The following AFDN variants were observed in gnomAD, a reference collection of about 807,000 sequenced individuals.
AFDN encodes afadin.
Under a neutral mutation model 216.6 loss-of-function variants are expected in AFDN, and 68 were observed. The observed-to-expected ratio is 0.31, with a 90% CI of 0.26 to 0.38. AFDN has a LOEUF of 0.38. Ranked by LOEUF, AFDN falls within the 10% of genes least tolerant of loss-of-function variation. The pLI, the probability that AFDN is intolerant of heterozygous loss-of-function variation, is 1.00. For synonymous variants in AFDN, 868 were observed against 853.7 expected, an observed-to-expected ratio of 1.02 and a Z score of -0.29; for missense variants, 2,136 against 2,342.0, an observed-to-expected ratio of 0.91 and a Z score of 1.82.
At chr6:167,891,602 A>G (rs981568363) in intron 8 of AFDN, among the ~76,000 whole-genome samples, 3 of 152,078 alleles carry the variant, frequency 2.0e-5, no homozygotes, top group African/African-American at 7.2e-5. Flanking sequence ...TTTTTTTTGT[A>G]GAACTCTTAA....
rs148872023 is a variant in AFDN at position 167,947,289 on chromosome 6, C to T, written c.3553+388C>T. On this transcript the variant is annotated intron_variant, in intron 27 of 33. Coordinates refer to ENST00000683244, the MANE Select transcript of AFDN (RefSeq NM_001386888.1). ...CCACCTCCTGGGTTCATGCCATTCT[C>T]CTGCCTTAGCTTCCCGAGTGGCTGG... Among the ~76,000 whole-genome samples the T allele has an allele frequency of 5.6e-3, 858 of 152,092 alleles. 16 individuals are homozygous for T. The highest frequency in any genetic ancestry group is 0.02 in the African/African-American group (827 of 41,460).
At chr6:167,913,123 ATG>A (rs1207263382) in intron 15 of AFDN, among the ~76,000 whole-genome samples, 1 of 152,188 alleles carries the variant, frequency 6.6e-6, no homozygotes, top group Non-Finnish European at 1.5e-5. Flanking sequence ...CAGTGTGTTC[ATG>A]TGTGTTTATG....
intron 31 of AFDN, 44 bp from the exon 32 acceptor site, chr6:167,965,713 T>G (rs759473271): frequency 1.4e-6 from 2 of 1,479,688 alleles, no homozygotes; most frequent in Admixed American, 2.5e-5. Context: ...GGCTGTTCCC[T>G]TCTCACCTCT....
chr6:167,891,331 G>T (rs1415218917), intron 8 of AFDN, among the ~76,000 whole-genome samples: 1 of 150,376 alleles, frequency 6.6e-6, no homozygotes, highest in Non-Finnish European at 1.5e-5. Flanking sequence ...TTTTTTCCAA[G>T]ATAACTTTAG....
intron 13 of AFDN, among the ~76,000 whole-genome samples, chr6:167,910,202 T>C (rs1790212819): frequency 6.6e-6 from 1 of 152,254 alleles, no homozygotes; most frequent in Non-Finnish European, 1.5e-5. Context: ...GAACTGTGGT[T>C]ATAACACAAG....
chr6:167,957,792 T>C (rs1796670777), intron 30 of AFDN, among the ~76,000 whole-genome samples: 1 of 151,996 alleles, frequency 6.6e-6, no homozygotes, highest in South Asian at 2.1e-4. Context: ...CCTCGAGAAG[T>C]AGCTAGTCCT....
intron 23 of AFDN, among the ~76,000 whole-genome samples, chr6:167,935,991 A>G (rs1385477921): frequency 6.6e-6 from 1 of 152,194 alleles, no homozygotes; most frequent in Non-Finnish European, 1.5e-5. Flanking sequence ...GGGAATTTTC[A>G]GTTTTCTGCT....
chr6:167,893,990 T>G, intron 9 of AFDN, 84 bp downstream of exon 9: 1 of 1,026,332 alleles, frequency 9.7e-7, no homozygotes, highest in East Asian at 2.6e-5. Context: ...ACCAAATATC[T>G]TATGTATCAG....
chr6:167,836,611 T>G (rs1313588019), intron 1 of AFDN, among the ~76,000 whole-genome samples: 1 of 152,230 alleles, frequency 6.6e-6, no homozygotes, highest in Non-Finnish European at 1.5e-5. Context: ...TAAGATTAGT[T>G]TTATTTCTAC....
chr6:167,929,824 G>T (rs887409542), intron 23 of AFDN, among the ~76,000 whole-genome samples: 2 of 152,108 alleles, frequency 1.3e-5, no homozygotes, highest in Admixed American at 6.5e-5. Flanking sequence ...CTTGTTTTTG[G>T]TCTTTTCAAA....
Position 167,864,641 on chromosome 6 carries a change from G to T in AFDN, c.196G>T (p.Ala66Ser). 6.2e-7 allele frequency: 1 copy of T among 1,614,176 alleles called. No individual in the cohort carries two copies. The highest frequency in any genetic ancestry group is 8.5e-7 in the Non-Finnish European group (1 of 1,180,032). ...AAAATGTATTCGGGTCTCTAGTACT[G>T]CCACCACTCAAGATGTAATCGAAAC... ...ATKCIRVSSTATTQDVIETLA... is the reference protein window; with the variant it reads ...ATKCIRVSSTSTTQDVIETLA... Residue 66 changes from alanine to serine, a missense_variant, in exon 2 of 34, where the codon GCC (alanine) becomes TCC (serine). This residue lies in a region of AFDN where 817 missense variants were observed against 965.7 expected (regional missense o/e 0.85). Transcript: ENST00000683244.
chr6:167,867,688 C>G (rs887092974), intron 2 of AFDN, among the ~76,000 whole-genome samples: 4 of 152,148 alleles, frequency 2.6e-5, no homozygotes, highest in Non-Finnish European at 5.9e-5. Context: ...GCCTCGGCCT[C>G]CCAAAGTGCT....
At chr6:167,887,541 C>G (rs961632308) in intron 6 of AFDN, among the ~76,000 whole-genome samples, 2 of 151,714 alleles carry the variant, frequency 1.3e-5, no homozygotes, top group South Asian at 2.1e-4. Flanking sequence ...CTGCAACTTC[C>G]GCCTCTTGGG....
chr6:167,952,994 A>C (rs1456479353), intron 30 of AFDN, among the ~76,000 whole-genome samples: 1 of 152,264 alleles, frequency 6.6e-6, no homozygotes, highest in Non-Finnish European at 1.5e-5. Flanking sequence ...ATTTTAGATA[A>C]AAGCAAGACT....
At chr6:167,904,957 C>G (rs1789472412) in intron 12 of AFDN, among the ~76,000 whole-genome samples, 2 of 152,224 alleles carry the variant, frequency 1.3e-5, no homozygotes, top group South Asian at 4.1e-4. Flanking sequence ...ATGCCCTGAG[C>G]CTGCTTCCTC....
chr6:167,911,247 T>A, intron 14 of AFDN, 37 bp from the exon 15 acceptor site: 1 of 1,605,484 alleles, frequency 6.2e-7, no homozygotes, highest in Non-Finnish European at 8.5e-7. Context: ...TTTTATTCTT[T>A]TTTCCTTTTT....
At chr6:167,842,165 G>C (rs1457511296) in intron 1 of AFDN, among the ~76,000 whole-genome samples, 2 of 152,040 alleles carry the variant, frequency 1.3e-5, no homozygotes, top group Non-Finnish European at 2.9e-5. Flanking sequence ...AACACTGCTA[G>C]AACTGCCTTT....
chr6:167,922,115 A>C (rs963280515), intron 21 of AFDN, among the ~76,000 whole-genome samples: 5 of 152,210 alleles, frequency 3.3e-5, no homozygotes, highest in African/African-American at 7.2e-5. Flanking sequence ...AAATGTACCG[A>C]GGATTGTTCA....
intron 1 of AFDN, among the ~76,000 whole-genome samples, chr6:167,828,432 A>T (rs1000456931): frequency 6.6e-6 from 1 of 152,176 alleles, no homozygotes; most frequent in Non-Finnish European, 1.5e-5. Context: ...ACTGCACTTG[A>T]CGTGGGTAGC....
Sources: gnomAD v4.1 joint callset for allele counts (sites outside exome capture counted in the v4.1 genomes callset) on GRCh38, gnomAD v4.1.1 for gene constraint, gnomAD v4.1.1 regional missense constraint, MANE v1.5 for transcripts, NCBI Gene and HGNC (gene_info 2026-07-23, HGNC 2026-07-21) for gene names.